The following SMOC1 variants were observed in gnomAD, a reference collection of about 807,000 sequenced individuals.
SMOC1 encodes the protein SPARC-related modular calcium-binding protein 1.
Under a neutral mutation model 56.3 loss-of-function variants are expected in SMOC1, and 22 were observed. The ratio of observed to expected loss-of-function variants is 0.39; its 90% confidence interval spans 0.28 to 0.56. The LOEUF (loss-of-function observed/expected upper bound fraction) is 0.56. Among genes scored for constraint, SMOC1 ranks in the 20% least tolerant of loss-of-function variants. The probability of loss-of-function intolerance (pLI) is 0.61; values close to 1 mark genes in which losing one functional copy is unlikely to be tolerated. For synonymous variants in SMOC1, 193 were observed against 215.0 expected (o/e 0.90, Z 0.89); for missense variants, 509 against 565.4 (o/e 0.90, Z 1.01).
chr14:69,933,271 A>G (rs1211168867), intron 1 of SMOC1, among the ~76,000 whole-genome samples: 8 of 152,216 alleles, frequency 5.3e-5, no homozygotes, highest in Admixed American at 5.2e-4. Flanking sequence ...CAGAAACAGG[A>G]TGGCAGTTGT....
chr14:69,929,534 C>T (rs145540838), intron 1 of SMOC1, among the ~76,000 whole-genome samples: 262 of 152,272 alleles, frequency 1.7e-3, no homozygotes, highest in African/African-American at 6.1e-3. Flanking sequence ...TACTGTGCTA[C>T]GTTGGCCACA....
In SMOC1 at chr14:69,909,377, A is replaced by AT. The variant is rs1884496646; in HGVS notation, c.99+29606dup. Reference sequence around the variant, plus strand: ...GCAGGAATTGGCTGAGCTCTTCCTTATTTTTTGTGGTAGACTTCTCTAAGC... The same window carrying AT: ...GCAGGAATTGGCTGAGCTCTTCCTTATTTTTTTGTGGTAGACTTCTCTAAGC... On this transcript the variant is annotated intron_variant, in intron 1 of 11. Transcript: ENST00000361956. 4.6e-5 allele frequency among the ~76,000 whole-genome samples: 7 copies of AT among 152,206 alleles called. No individual in the cohort carries two copies. In the South Asian group the frequency reaches 1.5e-3, roughly 32 times the overall value.
At chr14:69,992,344 A>G (rs560119117) in intron 5 of SMOC1, 73 bp from the exon 6 acceptor site, 3 of 1,455,632 alleles carry the variant, frequency 2.1e-6, no homozygotes, top group Admixed American at 1.7e-5. Context: ...ACCATTCAAC[A>G]GTGCTGGAGA....
Position 69,879,422 on chromosome 14 carries a change from C to A in SMOC1, c.-257C>A. On this transcript the variant is annotated 5_prime_UTR_variant, in exon 1 of 12. Transcript: ENST00000361956. Reference sequence around the variant, plus strand: ...ATTCCCATGGCCCGGGCTCAGGCGTCCAACCTGCTGCCGCCTGGGCCCCGC... The same window carrying A: ...ATTCCCATGGCCCGGGCTCAGGCGTACAACCTGCTGCCGCCTGGGCCCCGC... 2.7e-6 allele frequency: 1 copy of A among 375,624 alleles called. No homozygotes were observed. Among genetic ancestry groups the A allele is most frequent in the Non-Finnish European group, 4.7e-6 (1 of 213,652 alleles). 23.3% of individuals were successfully genotyped at this position (375,624 alleles called of 1,614,324 possible).
At chr14:69,961,036 A>G (rs952896613) in intron 3 of SMOC1, among the ~76,000 whole-genome samples, 9 of 152,126 alleles carry the variant, frequency 5.9e-5, no homozygotes, top group Non-Finnish European at 1.2e-4. Flanking sequence ...CCGAGAAGAA[A>G]TCTTGTACGC....
Position 69,935,883 on chromosome 14 carries a change from G to A in SMOC1, c.100-16255G>A, listed in dbSNP as rs765874208. Among the ~76,000 whole-genome samples, 35 of 152,222 alleles carry A rather than the reference G, an allele frequency of 2.3e-4. 1 individual carries two copies. The highest frequency in any genetic ancestry group is 5.2e-4 in the Admixed American group (8 of 15,288). ...CTAGCACAGTGGCTGACCTTAGAAG[G>A]GGGTTAGTAAATTTTATGGAATGAA... On this transcript the variant is annotated intron_variant, in intron 1 of 11. Transcript: ENST00000361956.
At chr14:69,952,937 T>C (rs1361211381) in intron 2 of SMOC1, among the ~76,000 whole-genome samples, 1 of 152,238 alleles carries the variant, frequency 6.6e-6, no homozygotes, top group Non-Finnish European at 1.5e-5. Flanking sequence ...CTCTAATTTA[T>C]ATCTTTTTCC....
intron 7 of SMOC1, among the ~76,000 whole-genome samples, chr14:70,000,633 A>T (rs1467322382): frequency 1.3e-5 from 2 of 152,184 alleles, no homozygotes; most frequent in African/African-American, 4.8e-5. Flanking sequence ...CTATATTGGG[A>T]CAATCCATCC....
chr14:69,985,950 G>C (rs992934125), intron 5 of SMOC1, among the ~76,000 whole-genome samples: 5 of 152,152 alleles, frequency 3.3e-5, no homozygotes, highest in African/African-American at 1.2e-4. Flanking sequence ...GGAAAAAACA[G>C]GATGTATAGG....
At chr14:69,904,355 G>A (rs776451772) in intron 1 of SMOC1, among the ~76,000 whole-genome samples, 5 of 152,202 alleles carry the variant, frequency 3.3e-5, no homozygotes, top group Non-Finnish European at 5.9e-5. Context: ...ATGCATGCAT[G>A]TGTGAATTCT....
At position 70,000,740 on chromosome 14, in the gene SMOC1, C is replaced by T. The variant is rs574506243; in HGVS notation, c.664+6260C>T. On this transcript the variant is annotated intron_variant, in intron 7 of 11. Transcript: ENST00000361956. ...GAAGGAAGCGGTCACCACTTCAGAC[C>T]ATGGTGAGCCATGCATGACCATTTT... 1.1e-3 allele frequency among the ~76,000 whole-genome samples: 171 copies of T among 152,316 alleles called. 3 individuals are homozygous for T. In the South Asian group the frequency reaches 0.034, roughly 30 times the overall value.
At chr14:69,932,012 G>A (rs761374666) in intron 1 of SMOC1, among the ~76,000 whole-genome samples, 5 of 152,254 alleles carry the variant, frequency 3.3e-5, no homozygotes, top group Admixed American at 6.5e-5. Flanking sequence ...CCAAAGCCAT[G>A]GAGCATCCGC....
At chr14:69,915,442 CT>C (rs1884662280) in intron 1 of SMOC1, among the ~76,000 whole-genome samples, 2 of 152,200 alleles carry the variant, frequency 1.3e-5, no homozygotes, top group South Asian at 4.1e-4. Flanking sequence ...TGTCTCCTGT[CT>C]TCTGTGTTAC....
chr14:69,952,131 A>G lies in SMOC1; in HGVS notation c.100-7A>G. 2 of 1,613,866 alleles carry G rather than the reference A, an allele frequency of 1.2e-6. No individual in the cohort carries two copies. The highest frequency in any genetic ancestry group is 2.7e-5 in the African/African-American group (2 of 74,928). ...CCTCTGTACCCTTTCACTTTTTTCC[A>G]ACCTAGTTTCTAATAAGTGACCGTG... On this transcript the variant is annotated splice_region_variant and splice_polypyrimidine_tract_variant and intron_variant, in intron 1 of 11. Transcript: ENST00000361956.
intron 1 of SMOC1, among the ~76,000 whole-genome samples, chr14:69,892,113 A>C (rs1420835560): frequency 6.6e-6 from 1 of 152,248 alleles, no homozygotes; most frequent in African/African-American, 2.4e-5. Flanking sequence ...CTGAACTTTT[A>C]CATGTTTATG....
chr14:69,950,130 C>A (rs2139434148), intron 1 of SMOC1, among the ~76,000 whole-genome samples: 1 of 152,216 alleles, frequency 6.6e-6, no homozygotes, highest in East Asian at 1.9e-4. Context: ...GCGTGGGAGC[C>A]CAAGGTGTCT....
chr14:69,977,102 G>A lies in SMOC1; in HGVS notation c.479-816G>A, dbSNP rs188246040. The stretch of plus-strand genomic sequence containing the variant: ...AGAAACAAGCCATGCAGGATAATAT[G>A]TTTGAGTTCTCACACAACTGGTATA... On this transcript the variant is annotated intron_variant, in intron 4 of 11. Transcript: ENST00000361956. Among the ~76,000 whole-genome samples the A allele has an allele frequency of 3.2e-3, 493 of 152,336 alleles. 13 individuals carry two copies. The South Asian group carries it at 0.076, about 23-fold the overall frequency.
intron 7 of SMOC1, among the ~76,000 whole-genome samples, chr14:69,997,751 T>C (rs1884819220): frequency 6.6e-6 from 1 of 152,212 alleles, no homozygotes. Flanking sequence ...AATGATAACT[T>C]ATGTCTGGAT....
chr14:69,976,936 A>G (rs954135846), intron 4 of SMOC1, among the ~76,000 whole-genome samples: 1 of 152,206 alleles, frequency 6.6e-6, no homozygotes, highest in African/African-American at 2.4e-5. Context: ...ACCCAAATTT[A>G]CAGGTCAAAA....
Sources: gnomAD v4.1 joint callset for allele counts (sites outside exome capture counted in the v4.1 genomes callset) on GRCh38, gnomAD v4.1.1 for gene constraint, MANE v1.5 for transcripts, NCBI Gene and HGNC (gene_info 2026-07-23, HGNC 2026-07-21) for gene names.